The following GTPBP4 variants were observed in gnomAD, a reference collection of about 807,000 sequenced individuals.
GTPBP4 encodes the protein GTP binding protein 4.
Under a neutral mutation model 81.7 loss-of-function variants are expected in GTPBP4, and 15 were observed. The ratio of observed to expected loss-of-function variants is 0.18; its 90% confidence interval spans 0.12 to 0.28. GTPBP4 has a LOEUF of 0.28. Among genes scored for constraint, GTPBP4 ranks in the 10% least tolerant of loss-of-function variants. The probability of loss-of-function intolerance (pLI) is 1.00; values close to 1 mark genes in which losing one functional copy is unlikely to be tolerated. For synonymous variants in GTPBP4, 272 were observed against 274.6 expected, an observed-to-expected ratio of 0.99 and a Z score of 0.09; for missense variants, 847 against 793.8, an observed-to-expected ratio of 1.07 and a Z score of -0.81.
At chr10:1,003,989 G>A (rs1320581648) in intron 8 of GTPBP4, among the ~76,000 whole-genome samples, 1 of 152,110 alleles carries the variant, frequency 6.6e-6, no homozygotes, top group East Asian at 1.9e-4. Flanking sequence ...TGATCCTGAA[G>A]CACCCCTAGC....
At chr10:993,917 G>A (rs530041865) in intron 2 of GTPBP4, among the ~76,000 whole-genome samples, 74 of 150,634 alleles carry the variant, frequency 4.9e-4, no homozygotes, top group African/African-American at 1.4e-3. Flanking sequence ...CCGCCACCAC[G>A]CCCGGCTAGT....
rs1461723066 is a variant in GTPBP4 at position 1,018,670 on chromosome 10, T to C, written c.*1443T>C. On this transcript the variant is annotated 3_prime_UTR_variant, in exon 17 of 17. Transcript: ENST00000360803. Reference sequence around the variant, plus strand: ...AAAAATACAAAAAATTAGCTGGGTGTGGTGGCGGGCGCCTGTAGTCCCAAC... The same window carrying C: ...AAAAATACAAAAAATTAGCTGGGTGCGGTGGCGGGCGCCTGTAGTCCCAAC... 1.3e-5 allele frequency: 2 copies of C among 151,592 alleles called. No individual in the cohort carries two copies. Among genetic ancestry groups the C allele is most frequent in the African/African-American group, 4.9e-5 (2 of 41,184 alleles). The allele number at this position is 151,592 out of a possible 1,614,324, so 9.4% of individuals were successfully genotyped here. A position where few individuals can be genotyped will look rare whatever the true frequency, so the allele number is the denominator to read the frequency against.
intron 6 of GTPBP4, among the ~76,000 whole-genome samples, chr10:999,336 G>C (rs1831584852): frequency 4.6e-5 from 7 of 152,094 alleles, no homozygotes; most frequent in Admixed American, 4.6e-4. Flanking sequence ...GGCCAGGCTG[G>C]TCTTGAACTC....
rs374726633 is a variant in GTPBP4, at chr10:988,466, A to C, written c.-14A>C. On this transcript the variant is annotated 5_prime_UTR_variant, in exon 1 of 17. Coordinates refer to ENST00000360803, the MANE Select transcript of GTPBP4 (RefSeq NM_012341.3). ...CCGGGAGTGCCAAGTACCCGCGTGC[A>C]TACGGCTGCCGGCATGGCACATTAC... is the stretch of plus-strand genomic sequence containing the variant. The C allele has an allele frequency of 6.2e-6, 10 of 1,612,204 alleles. No individual in the cohort carries two copies. The highest frequency in any genetic ancestry group is 1.1e-5 in the South Asian group (1 of 91,010).
chr10:1,013,251 T>C (rs968283157), intron 14 of GTPBP4, among the ~76,000 whole-genome samples: 1 of 151,834 alleles, frequency 6.6e-6, no homozygotes. Context: ...CCCAAAGTGC[T>C]GAGATTACAG....
In GTPBP4 at chr10:1,017,078, G is replaced by C. The variant is rs769861717; in HGVS notation, c.1756G>C (p.Val586Leu). 1.2e-6 allele frequency: 2 copies of C among 1,609,050 alleles called. No homozygotes were observed. The highest frequency in any genetic ancestry group is 2.7e-5 in the African/African-American group (2 of 74,714). ...TATTTTTTTCTCCTCCTTTTAGATG[G>C]TGAAGAAAGCCAAGACTATGATGAA... ...DVSGLRDVKM[V>L]KKAKTMMKNA... Residue 586 changes from valine (V) to leucine (L), a missense_variant, in exon 17 of 17, where the codon GTG becomes CTG. Around this residue, in one of 3 missense-constraint regions of GTPBP4, gnomAD observed 600 missense variants for 557.1 expected, o/e 1.08. Coordinates refer to ENST00000360803, the MANE Select transcript of GTPBP4 (RefSeq NM_012341.3).
intron 1 of GTPBP4, 141 bp from the exon 2 acceptor site, chr10:992,348 C>T (rs1345479390): frequency 1.1e-5 from 6 of 540,894 alleles, no homozygotes; most frequent in African/African-American, 2.0e-5. Flanking sequence ...TGCAGTGAGC[C>T]GAGATCGTGC....
At chr10:1,007,766 CT>C (rs1831771159) in intron 10 of GTPBP4, 1 of 401,040 alleles carries the variant, frequency 2.5e-6, no homozygotes, top group African/African-American at 2.1e-5. Context: ...TCTGTCTTTC[CT>C]TGTGTCCTCG....
intron 2 of GTPBP4, 55 bp downstream of exon 2, chr10:992,714 A>C: frequency 1.9e-6 from 2 of 1,064,956 alleles, no homozygotes; most frequent in Non-Finnish European, 2.8e-6. Flanking sequence ...TCAGAGAACC[A>C]GTGTTTAACC....
intron 2 of GTPBP4, among the ~76,000 whole-genome samples, chr10:995,505 AAG>A (rs10589978): frequency 0.77 from 116,749 of 151,766 alleles, 45,270 homozygotes; most frequent in East Asian, 0.9. Flanking sequence ...CTTGGGAGCA[AAG>A]AGAGGGAATT....
chr10:995,798 C>G, intron 2 of GTPBP4, 131 bp from the exon 3 acceptor site: 1 of 619,228 alleles, frequency 1.6e-6, no homozygotes, highest in Non-Finnish European at 2.9e-6. Context: ...GACAGGGCCC[C>G]TGGCCAGGAG....
chr10:997,328 T>C lies in GTPBP4; in HGVS notation c.561+20T>C, dbSNP rs1831552760. ...AACAAGGTTGGTCTGGTTTTTATCG[T>C]AAAGCAAATCATCTGACTATTTTAC... On this transcript the variant is annotated intron_variant, in intron 5 of 16. Coordinates refer to ENST00000360803, the MANE Select transcript of GTPBP4 (RefSeq NM_012341.3). 1.6e-6 allele frequency: 2 copies of C among 1,284,588 alleles called. No individual in the cohort carries two copies. Among genetic ancestry groups the C allele is most frequent in the Admixed American group, 1.7e-5 (1 of 59,576 alleles). The allele number at this position is 1,284,588 out of a possible 1,614,324, so 79.6% of individuals were successfully genotyped here. A position where few individuals can be genotyped will look rare whatever the true frequency, so the allele number is the denominator to read the frequency against.
chr10:1,006,970 CT>C, intron 9 of GTPBP4, 47 bp from the exon 10 acceptor site: 1 of 1,136,924 alleles, frequency 8.8e-7, no homozygotes, highest in Non-Finnish European at 1.3e-6. Flanking sequence ...TAGCTGGAGG[CT>C]GCTGGAGGAT....
chr10:1,017,145 A>C lies in GTPBP4; in HGVS notation c.1823A>C (p.Glu608Ala), dbSNP rs1254105375. Residue 608 changes from glutamate (E) to alanine (A), a missense_variant, in exon 17 of 17, where the codon GAG becomes GCG. By Grantham distance (107) the Glu-to-Ala change is moderately radical (BLOSUM62 -1). Transcript: ENST00000360803. ...KKMNRLGKKG[E>A]ADRHVFDMKP... ...ATGAATCGGTTGGGGAAGAAAGGGGAGGCGGATAGACACGTGTTTGATATG... is the reference window on the plus strand; with the variant it reads ...ATGAATCGGTTGGGGAAGAAAGGGGCGGCGGATAGACACGTGTTTGATATG... 6.2e-7 allele frequency: 1 copy of C among 1,613,628 alleles called. No individual in the cohort carries two copies. Among genetic ancestry groups the C allele is most frequent in the South Asian group, 1.1e-5 (1 of 91,068 alleles).
At chr10:1,012,258 G>T in intron 13 of GTPBP4, 1 of 410,352 alleles carries the variant, frequency 2.4e-6, no homozygotes, top group Non-Finnish European at 4.5e-6. Flanking sequence ...CTTGCTGGCG[G>T]CTGGCGTTCA....
chr10:1,012,727 T>C, intron 14 of GTPBP4, 65 bp downstream of exon 14: 1 of 1,115,652 alleles, frequency 9.0e-7, no homozygotes, highest in South Asian at 1.4e-5. Flanking sequence ...TGTGTGATCA[T>C]TGCTAAATAA....
Position 1,019,557 on chromosome 10 carries a change from A to G in GTPBP4, c.*2330A>G. ...TTTGTGAAGCTCCACAAACGGGGTC[A>G]CGTCATCCAGGTGAGGCCACCACCG... is the stretch of plus-strand genomic sequence containing the variant. On this transcript the variant is annotated 3_prime_UTR_variant, in exon 17 of 17. Coordinates refer to ENST00000360803, the MANE Select transcript of GTPBP4 (RefSeq NM_012341.3). The G allele has an allele frequency of 1.2e-6, 2 of 1,613,858 alleles. No individual in the cohort carries two copies. The highest frequency in any genetic ancestry group is 1.7e-6 in the Non-Finnish European group (2 of 1,179,888).
chr10:995,909 T>C lies in GTPBP4; in HGVS notation c.220-20T>C, dbSNP rs764686004. On this transcript the variant is annotated intron_variant, in intron 2 of 16. Coordinates refer to ENST00000360803, the MANE Select transcript of GTPBP4 (RefSeq NM_012341.3). ...AACTGCTGGCCCCAAGTGACCGTGG[T>C]GTGCTTTTGTTTGTTACAGGATATT... is the stretch of plus-strand genomic sequence containing the variant. 2.1e-6 allele frequency: 3 copies of C among 1,407,518 alleles called. No homozygotes were observed. The highest frequency in any genetic ancestry group is 3.0e-6 in the Non-Finnish European group (3 of 996,236). The allele number at this position is 1,407,518 out of a possible 1,614,324, so 87.2% of individuals were successfully genotyped here.
At chr10:994,276 GT>G (rs1172824905) in intron 2 of GTPBP4, among the ~76,000 whole-genome samples, 1 of 151,682 alleles carries the variant, frequency 6.6e-6, no homozygotes, top group Non-Finnish European at 1.5e-5. Context: ...TTGTTTGTTT[GT>G]TTGTTTGTTT....
Sources: allele counts gnomAD v4.1 joint callset (sites outside exome capture counted in the v4.1 genomes callset), GRCh38; gene constraint gnomAD v4.1.1; regional missense constraint gnomAD v4.1.1; transcripts MANE v1.5; gene names NCBI Gene and HGNC (gene_info 2026-07-23, HGNC 2026-07-21).